The following TMEM232 variants were observed in gnomAD, a reference collection of about 807,000 sequenced individuals.
TMEM232 encodes transmembrane protein 232.
A neutral mutation model predicts 78.8 loss-of-function variants in TMEM232; 80 were observed. The observed-to-expected ratio is 1.01, with a 90% CI of 0.85 to 1.22. The LOEUF (loss-of-function observed/expected upper bound fraction) is 1.22, where lower values mean the gene tolerates loss of function less well. Among genes scored for constraint, TMEM232 ranks in the 50% most tolerant of loss-of-function variants. TMEM232 has a pLI of 0.00. For missense variants in TMEM232, 881 were observed against 742.2 expected (o/e 1.19, Z -2.17); for synonymous variants, 297 against 254.3 (o/e 1.17, Z -1.60).
chr5:110,652,294 G>GCGCGCGCACACACACACACACACACA (rs1554069154), intron 2 of TMEM232, among the ~76,000 whole-genome samples: 26 of 145,450 alleles, frequency 1.8e-4, no homozygotes, highest in Admixed American at 4.8e-4. Context: ...GCACGCGCGC[G>GCGCGCGCACACACACACACACACACA]CACACACACA....
At chr5:110,477,933 T>G (rs1264091877) in intron 12 of TMEM232, among the ~76,000 whole-genome samples, 2 of 151,956 alleles carry the variant, frequency 1.3e-5, no homozygotes, top group African/African-American at 4.8e-5. Flanking sequence ...TTTTATTTCA[T>G]TGACATCTCA....
chr5:110,627,464 G>A lies in TMEM232; in HGVS notation c.601+317C>T, dbSNP rs532928958. 6.6e-5 allele frequency among the ~76,000 whole-genome samples: 10 copies of A among 152,044 alleles called. No homozygotes were observed. In the South Asian group the frequency reaches 2.1e-3, roughly 32 times the overall value. ...GTGCAAAAATTCAGTTAGACAGAAGGAATAAGGTCTAGTGATCTATTTCAC... is the reference window on the plus strand; with the variant it reads ...GTGCAAAAATTCAGTTAGACAGAAGAAATAAGGTCTAGTGATCTATTTCAC... On this transcript the variant is annotated intron_variant, in intron 6 of 13. Transcript: ENST00000455884.
intron 10 of TMEM232, among the ~76,000 whole-genome samples, chr5:110,587,017 G>C (rs188081677): frequency 1.3e-5 from 2 of 152,094 alleles, no homozygotes; most frequent in East Asian, 3.9e-4. Flanking sequence ...AAAATCGCAA[G>C]TTATAAAAAG....
chr5:110,469,626 C>T (rs915817798), intron 12 of TMEM232, among the ~76,000 whole-genome samples: 1 of 152,186 alleles, frequency 6.6e-6, no homozygotes, highest in Admixed American at 6.5e-5. Flanking sequence ...CTCCTAGTTG[C>T]TGCTGCACCC....
At chr5:110,508,432 TACAC>T (rs910947206) in intron 12 of TMEM232, among the ~76,000 whole-genome samples, 6 of 151,170 alleles carry the variant, frequency 4.0e-5, no homozygotes, top group African/African-American at 1.5e-4. Context: ...TATATATACA[TACAC>T]ACACATATAT....
chr5:110,528,705 G>T lies in TMEM232; in HGVS notation c.1586C>A (p.Pro529His), dbSNP rs1486968159. The change falls in exon 12 of 14, where the codon CCC becomes CAC. Residue 529 changes from proline to histidine, a missense_variant. By Grantham distance (77) the Pro-to-His change is moderately conservative. Transcript: ENST00000455884. ...IANTLSKLFFPPIEAHFLPLK... is the reference protein window; with the variant it reads ...IANTLSKLFFHPIEAHFLPLK... ...AGGAAGAAAATGGGCCTCAATGGGG[G>T]GAAAGAATAGTTTGGAAAGAGTGTT... 1.3e-6 allele frequency: 2 copies of T among 1,534,522 alleles called. No homozygotes were observed. Among genetic ancestry groups the T allele is most frequent in the Non-Finnish European group, 1.7e-6 (2 of 1,146,118 alleles).
At position 110,534,685 on chromosome 5, in the gene TMEM232, C is replaced by T. The variant is rs150216492; in HGVS notation, c.1456-5850G>A. Among the ~76,000 whole-genome samples the T allele has an allele frequency of 6.7e-3, 1,016 of 152,296 alleles. 10 individuals carry two copies. The highest frequency in any genetic ancestry group is 0.023 in the African/African-American group (960 of 41,562). On this transcript the variant is annotated intron_variant, in intron 11 of 13. Transcript: ENST00000455884. ...TTCTCCAAGCCATCACAGCTGATAT[C>T]TCCTGGTGCTATCCCCAAACTATCA...
intron 12 of TMEM232, among the ~76,000 whole-genome samples, chr5:110,520,624 T>C (rs1244536724): frequency 6.6e-6 from 1 of 152,130 alleles, no homozygotes; most frequent in African/African-American, 2.4e-5. Context: ...ATTTAGTGAC[T>C]TAAAATAATA....
At chr5:110,396,488 G>T (rs1010774650) in intron 3 of TMEM232, among the ~76,000 whole-genome samples, 1 of 152,188 alleles carries the variant, frequency 6.6e-6, no homozygotes, top group Non-Finnish European at 1.5e-5. Flanking sequence ...CATTTATACA[G>T]TGATGAAGAC....
intron 12 of TMEM232, among the ~76,000 whole-genome samples, chr5:110,486,164 G>A (rs1205944790): frequency 6.6e-6 from 1 of 151,532 alleles, no homozygotes; most frequent in Non-Finnish European, 1.5e-5. Flanking sequence ...CTTTTTAACG[G>A]GAGGTTTTTT....
chr5:110,613,094 T>A (rs1782514893), intron 8 of TMEM232, among the ~76,000 whole-genome samples: 1 of 152,164 alleles, frequency 6.6e-6, no homozygotes, highest in East Asian at 1.9e-4. Flanking sequence ...TTGGCTTTTA[T>A]AATTTATTGT....
At chr5:110,708,831 C>A (rs1195629695) in intron 1 of TMEM232, among the ~76,000 whole-genome samples, 1 of 151,740 alleles carries the variant, frequency 6.6e-6, no homozygotes, top group Non-Finnish European at 1.5e-5. Flanking sequence ...AAAGAGGGAA[C>A]AGAAGACCGC....
At position 110,392,497 on chromosome 5, in the gene TMEM232, C is replaced by G. The variant is rs562592448; in HGVS notation, n.391-1857G>C. ...TGGTTTAAACAATGGAAATTTATTT[C>G]TCACAGTAATGGAGACTGAGAAGTC... On this transcript the variant is annotated intron_variant and non_coding_transcript_variant, in intron 3 of 8. Transcript: ENST00000507188. Among the ~76,000 whole-genome samples, 31 of 152,280 alleles carry G rather than the reference C, an allele frequency of 2.0e-4. No homozygotes were observed. In the South Asian group the frequency reaches 6.0e-3, roughly 30 times the overall value.
intron 11 of TMEM232, among the ~76,000 whole-genome samples, chr5:110,563,368 C>A (rs1232249580): frequency 6.6e-6 from 1 of 151,718 alleles, no homozygotes; most frequent in Non-Finnish European, 1.5e-5. Flanking sequence ...ATGATTGGCT[C>A]TGAAAATGGC....
chr5:110,460,275 G>A (rs1361890362), intron 12 of TMEM232, among the ~76,000 whole-genome samples: 2 of 150,642 alleles, frequency 1.3e-5, no homozygotes, highest in African/African-American at 5.0e-5. Flanking sequence ...CAACAGTTTA[G>A]TAAAAATGTA....
upstream of TMEM232, among the ~76,000 whole-genome samples, chr5:110,731,529 C>T (rs573869147): frequency 1.1e-4 from 17 of 152,372 alleles, no homozygotes; most frequent in African/African-American, 3.8e-4. Context: ...GTTGCCAAAC[C>T]TCAATTCTTG....
chr5:110,402,376 A>AAATATT (rs1218661135), intron 2 of TMEM232, among the ~76,000 whole-genome samples: 2 of 152,156 alleles, frequency 1.3e-5, no homozygotes, highest in Non-Finnish European at 2.9e-5. Context: ...ACTTCAATCA[A>AAATATT]AATATTAAAA....
At chr5:110,711,598 T>C (rs1378862693) in intron 1 of TMEM232, among the ~76,000 whole-genome samples, 1 of 152,036 alleles carries the variant, frequency 6.6e-6, no homozygotes, top group African/African-American at 2.4e-5. Context: ...CATAGACCAA[T>C]GGAGCAGAAG....
At chr5:110,530,537 T>C (rs1220456273) in intron 11 of TMEM232, among the ~76,000 whole-genome samples, 1 of 152,188 alleles carries the variant, frequency 6.6e-6, no homozygotes, top group Non-Finnish European at 1.5e-5. Flanking sequence ...TGGGATAGTA[T>C]TGAGCCATAA....
Sources: gnomAD v4.1 joint callset for allele counts (sites outside exome capture counted in the v4.1 genomes callset) on GRCh38, gnomAD v4.1.1 for gene constraint, MANE v1.5 for transcripts, NCBI Gene and HGNC (gene_info 2026-07-23, HGNC 2026-07-21) for gene names.